Variants in NDC80 observed in about 807,000 individuals in gnomAD.
The protein encoded by NDC80 is kinetochore protein NDC80 homolog.
Under a neutral mutation model 89.3 loss-of-function variants are expected in NDC80, and 69 were observed. The ratio of observed to expected loss-of-function variants is 0.77; its 90% CI spans 0.64 to 0.94. NDC80 has a LOEUF of 0.94. Among genes scored for constraint, NDC80 ranks in the 40% least tolerant of loss-of-function variants. The pLI is 0.00. For missense variants in NDC80, 593 were observed against 739.6 expected (o/e 0.80, Z 2.30); for synonymous variants, 243 against 255.6 (o/e 0.95, Z 0.47).
At chr18:2,580,631 G>C (rs1268357599) in intron 6 of NDC80, among the ~76,000 whole-genome samples, 1 of 146,714 alleles carries the variant, frequency 6.8e-6, no homozygotes, top group Non-Finnish European at 1.5e-5. Flanking sequence ...AAAAATCCAA[G>C]TTTCATTGGA....
chr18:2,580,866 G>A (rs746334418), intron 6 of NDC80, among the ~76,000 whole-genome samples: 6 of 147,812 alleles, frequency 4.1e-5, no homozygotes, highest in Non-Finnish European at 8.9e-5. Context: ...TCAGCCTCCC[G>A]AGTAGCTGGG....
intron 13 of NDC80, 101 bp from the exon 14 acceptor site, chr18:2,606,314 C>A: frequency 1.5e-6 from 1 of 656,466 alleles, no homozygotes; most frequent in Non-Finnish European, 2.4e-6. Context: ...GAAGAAATAA[C>A]ATTGTTCAGT....
rs779639487 is a variant in NDC80 at position 2,575,103 on chromosome 18, C to A, written c.179+37C>A. On this transcript the variant is annotated intron_variant, in intron 3 of 16. Coordinates refer to ENST00000261597, the MANE Select transcript of NDC80 (RefSeq NM_006101.3). ...TTTCATTAGCTCTAATAAAGGGATT[C>A]TTATAGCCATACGTTGTTGCCCTCA... 2.9e-5 allele frequency: 42 copies of A among 1,425,040 alleles called. 1 individual carries two copies. The South Asian group carries it at 4.9e-4, about 17-fold the overall frequency. 88.3% of individuals were successfully genotyped at this position (1,425,040 alleles called of 1,614,324 possible). A position where few individuals can be genotyped will look rare whatever the true frequency, so the allele number is the denominator to read the frequency against.
intron 10 of NDC80, among the ~76,000 whole-genome samples, chr18:2,593,327 A>G (rs948905570): frequency 1.3e-5 from 2 of 151,940 alleles, no homozygotes; most frequent in African/African-American, 4.8e-5. Flanking sequence ...GTCTTATCTC[A>G]TTTTTTCACA....
intron 3 of NDC80, among the ~76,000 whole-genome samples, chr18:2,575,491 T>A (rs2072541775): frequency 6.6e-6 from 1 of 151,550 alleles, no homozygotes; most frequent in Admixed American, 6.6e-5. Flanking sequence ...GCAGACCAGG[T>A]GCAGTGGCTC....
At chr18:2,572,118 G>A (rs1402534570) in intron 1 of NDC80, among the ~76,000 whole-genome samples, 2 of 152,238 alleles carry the variant, frequency 1.3e-5, no homozygotes, top group African/African-American at 4.8e-5. Context: ...ACACAGGTGT[G>A]AGTGGAAAAG....
chr18:2,616,276 C>A (rs2072783069), intron 16 of NDC80, among the ~76,000 whole-genome samples, 161 bp from the exon 17 acceptor site: 1 of 152,186 alleles, frequency 6.6e-6, no homozygotes, highest in Non-Finnish European at 1.5e-5. Context: ...CCACCCACCT[C>A]AGCCTCATAA....
In NDC80 at chr18:2,614,479, G is replaced by GT. The variant is rs760204714; in HGVS notation, c.1792-1958_1792-1957insT. 47 of 13,312 alleles carry GT rather than the reference G, an allele frequency of 3.5e-3. 13 individuals are homozygous for GT. In the East Asian group the frequency reaches 0.065, roughly 18 times the overall value. 0.8% of individuals were successfully genotyped at this position (13,312 alleles called of 1,614,324 possible). A position where few individuals can be genotyped will look rare whatever the true frequency, so the allele number is the denominator to read the frequency against. On this transcript the variant is annotated intron_variant, in intron 16 of 16. Coordinates refer to ENST00000261597, the MANE Select transcript of NDC80 (RefSeq NM_006101.3). ...AGAAAGAAAGAAAGAAAGAAAGAAAGAAAGGAAGGAAGGAAGGAAGGAAGG... is the reference window on the plus strand; with the variant it reads ...AGAAAGAAAGAAAGAAAGAAAGAAAGTAAAGGAAGGAAGGAAGGAAGGAAGG...
Position 2,607,212 on chromosome 18 carries a change from G to A in NDC80, c.1557+705G>A, listed in dbSNP as rs191923201. 4.6e-5 allele frequency among the ~76,000 whole-genome samples: 7 copies of A among 152,268 alleles called. No individual in the cohort carries two copies. The East Asian group carries it at 1.2e-3, about 25-fold the overall frequency. Reference sequence around the variant, plus strand: ...ATATACCACATAATATGATCTAAATGTGAAATATAAGACATTGGTAATCAT... The same window carrying A: ...ATATACCACATAATATGATCTAAATATGAAATATAAGACATTGGTAATCAT... On this transcript the variant is annotated intron_variant, in intron 14 of 16. Transcript: ENST00000261597.
chr18:2,572,796 G>T (rs1464447434), intron 1 of NDC80, among the ~76,000 whole-genome samples, 181 bp from the exon 2 acceptor site: 1 of 152,188 alleles, frequency 6.6e-6, no homozygotes, highest in Non-Finnish European at 1.5e-5. Flanking sequence ...GAATTAAATA[G>T]ATGTTCCTTG....
At chr18:2,610,945 A>G in intron 16 of NDC80, 84 bp downstream of exon 16, 2 of 850,826 alleles carry the variant, frequency 2.4e-6, no homozygotes, top group South Asian at 3.8e-5. Flanking sequence ...TATAAATTAA[A>G]TGATGAATTT....
At chr18:2,608,464 C>T (rs1046897542) in intron 14 of NDC80, among the ~76,000 whole-genome samples, 1 of 152,086 alleles carries the variant, frequency 6.6e-6, no homozygotes, top group Non-Finnish European at 1.5e-5. Flanking sequence ...CCTCAACCTC[C>T]CAAAGTGCTG....
chr18:2,579,060 A>T (rs372627464), intron 6 of NDC80, 31 bp downstream of exon 6: 1 of 1,344,038 alleles, frequency 7.4e-7, no homozygotes, highest in African/African-American at 1.5e-5. Flanking sequence ...AAATGTATAC[A>T]TGGGAAAGGG....
chr18:2,583,538 T>A (rs1329318302), intron 6 of NDC80, among the ~76,000 whole-genome samples: 1 of 151,884 alleles, frequency 6.6e-6, no homozygotes, highest in African/African-American at 2.4e-5. Context: ...CCGTCTCTAC[T>A]AAAAATGCAA....
Position 2,606,508 on chromosome 18 carries a change from G to T in NDC80, c.1557+1G>T. On this transcript the variant is annotated splice_donor_variant, in intron 14 of 16. Transcript: ENST00000261597. LOFTEE classifies it high-confidence loss of function. ...TGATCTTTACCAACAAAAAATTAAGGTAAGAACTTTGCCACAGTTTGCGTA... is the reference window on the plus strand; with the variant it reads ...TGATCTTTACCAACAAAAAATTAAGTTAAGAACTTTGCCACAGTTTGCGTA... The T allele has an allele frequency of 6.3e-7, 1 of 1,591,802 alleles. No homozygotes were observed. The highest frequency in any genetic ancestry group is 8.6e-7 in the Non-Finnish European group (1 of 1,167,524).
chr18:2,606,031 A>G (rs1176155831), intron 13 of NDC80, among the ~76,000 whole-genome samples: 1 of 151,988 alleles, frequency 6.6e-6, no homozygotes, highest in South Asian at 2.1e-4. Flanking sequence ...TAGAAAATGA[A>G]CATACAAATG....
chr18:2,574,782 C>T (rs550685605), intron 2 of NDC80, among the ~76,000 whole-genome samples: 2 of 152,202 alleles, frequency 1.3e-5, no homozygotes, highest in South Asian at 2.1e-4. Context: ...TCTGCTGGTC[C>T]CCCAACATTA....
In NDC80 at chr18:2,595,300, T is replaced by C. The variant is rs989532948; in HGVS notation, c.1016-116T>C. The C allele has an allele frequency of 2.0e-5, 7 of 358,600 alleles. No homozygotes were observed. In the Admixed American group the frequency reaches 2.9e-4, roughly 15 times the overall value. 22.2% of individuals were successfully genotyped at this position (358,600 alleles called of 1,614,324 possible). On this transcript the variant is annotated intron_variant, in intron 10 of 16. Transcript: ENST00000261597. Reference sequence around the variant, plus strand: ...ACATATATATAATATATATAATATATATACACACATATATATGACTTGGAA... The same window carrying C: ...ACATATATATAATATATATAATATACATACACACATATATATGACTTGGAA...
At chr18:2,580,289 G>C (rs140823544) in intron 6 of NDC80, among the ~76,000 whole-genome samples, 2 of 151,548 alleles carry the variant, frequency 1.3e-5, no homozygotes, top group Middle Eastern at 3.4e-3. Flanking sequence ...TCGAGTCAGA[G>C]AAATTAGTTC....
Sources: gnomAD v4.1 joint callset for allele counts (sites outside exome capture counted in the v4.1 genomes callset) on GRCh38, gnomAD v4.1.1 for gene constraint, MANE v1.5 for transcripts, NCBI Gene and HGNC (gene_info 2026-07-23, HGNC 2026-07-21) for gene names.